TRPC1: variants seen among roughly 807,000 people sequenced by gnomAD.
TRPC1 encodes transient receptor potential cation channel subfamily C member 1.
In TRPC1, 42 loss-of-function variants were observed where a neutral mutation model predicts 88.2. That is an observed-to-expected ratio of 0.48 (90% CI 0.37 to 0.62). The LOEUF (loss-of-function observed/expected upper bound fraction) is 0.62. Among genes scored for constraint, TRPC1 ranks in the 20% least tolerant of loss-of-function variants. The pLI is 0.00. For missense variants in TRPC1, 699 were observed against 957.3 expected (o/e 0.73, Z 3.56); for synonymous variants, 288 against 331.8 (o/e 0.87, Z 1.43).
At chr3:142,750,503 G>A (rs1934717995) in intron 4 of TRPC1, among the ~76,000 whole-genome samples, 2 of 152,162 alleles carry the variant, frequency 1.3e-5, no homozygotes, top group South Asian at 4.1e-4. Context: ...GGAAGACAGT[G>A]TGGTGATTCC....
intron 9 of TRPC1, among the ~76,000 whole-genome samples, chr3:142,797,265 T>C (rs1399579365): frequency 6.6e-6 from 1 of 151,958 alleles, no homozygotes; most frequent in African/African-American, 2.4e-5. Flanking sequence ...CCCTTCCTAC[T>C]TCATTTAGGA....
At chr3:142,744,087 T>C (rs1398683318) in intron 3 of TRPC1, among the ~76,000 whole-genome samples, 1 of 152,136 alleles carries the variant, frequency 6.6e-6, no homozygotes, top group Non-Finnish European at 1.5e-5. Flanking sequence ...AAAAGATATT[T>C]GCAGCATATA....
At position 142,785,037 on chromosome 3, in the gene TRPC1, A is replaced by G. The variant is rs1936087979; in HGVS notation, c.1294A>G (p.Ile432Val). The G allele has an allele frequency of 3.1e-6, 5 of 1,591,468 alleles. No homozygotes were observed. The South Asian group carries it at 4.6e-5, about 15-fold the overall frequency. Residue 432 changes from isoleucine to valine, a missense_variant, in exon 7 of 13, where the codon ATT becomes GTT. Transcript: ENST00000476941. ...RIDYLLILWI[I>V]GMIWSDIKRL... ...AGACTATCTTCTTATTCTGTGGATT[A>G]TTGGTAAGTATCAAGTTAGTTTGAA... is the stretch of plus-strand genomic sequence containing the variant.
intron 4 of TRPC1, among the ~76,000 whole-genome samples, chr3:142,763,973 T>TTTG (rs1935283961): frequency 1.5e-5 from 1 of 68,056 alleles, no homozygotes; most frequent in African/African-American, 1.3e-4. Flanking sequence ...TATATATATA[T>TTTG]ATATATATAT....
intron 1 of TRPC1, 114 bp from the exon 2 acceptor site, chr3:142,736,265 C>A (rs1934133295): frequency 1.3e-6 from 1 of 743,368 alleles, no homozygotes; most frequent in Non-Finnish European, 2.0e-6. Flanking sequence ...TTTTCTTATA[C>A]AAAAATGAGT....
chr3:142,764,334 C>T (rs1431250567), intron 4 of TRPC1, among the ~76,000 whole-genome samples: 1 of 151,992 alleles, frequency 6.6e-6, no homozygotes, highest in African/African-American at 2.4e-5. Context: ...TGTCTGTATA[C>T]TTAATTTTAC....
intron 4 of TRPC1, among the ~76,000 whole-genome samples, chr3:142,772,548 C>T (rs1305028862): frequency 6.6e-6 from 1 of 152,130 alleles, no homozygotes; most frequent in Non-Finnish European, 1.5e-5. Flanking sequence ...GTAATCCCAG[C>T]ACTTCAAGAG....
intron 4 of TRPC1, among the ~76,000 whole-genome samples, chr3:142,763,352 T>C (rs1174311779): frequency 6.6e-6 from 1 of 152,050 alleles, no homozygotes; most frequent in East Asian, 1.9e-4. Flanking sequence ...ATTAACTTTA[T>C]ATACTTGGGG....
chr3:142,758,561 G>A (rs921085046), intron 4 of TRPC1, among the ~76,000 whole-genome samples: 3 of 152,074 alleles, frequency 2.0e-5, no homozygotes, highest in Admixed American at 6.6e-5. Context: ...CAGATGGATA[G>A]TTTGCAAATA....
chr3:142,754,758 G>C (rs1934899362), intron 4 of TRPC1, among the ~76,000 whole-genome samples: 1 of 152,112 alleles, frequency 6.6e-6, no homozygotes, highest in Non-Finnish European at 1.5e-5. Flanking sequence ...TAGGAATATG[G>C]AATTCTTCTG....
Position 142,806,074 on chromosome 3 carries a change from C to G in TRPC1, c.2221C>G (p.Arg741Gly), listed in dbSNP as rs538677775. ...AAAAGTGATGTGCTGCCTAGTGCAT[C>G]GTTACTTGACTTCCATGAGACAGAA... is the stretch of plus-strand genomic sequence containing the variant. ...YQKVMCCLVHRYLTSMRQKMQ... is the reference protein window; with the variant it reads ...YQKVMCCLVHGYLTSMRQKMQ... Residue 741 changes from arginine (R) to glycine (G), a missense_variant, in exon 13 of 13, where the codon CGT (arginine) becomes GGT (glycine). Arg to Gly is a moderately radical substitution (Grantham distance 125). Around this residue, in one of 4 missense-constraint regions of TRPC1, gnomAD observed 105 missense variants for 141.7 expected, o/e 0.74. Transcript: ENST00000476941. 6.2e-7 allele frequency: 1 copy of G among 1,613,892 alleles called. No homozygotes were observed.
intron 1 of TRPC1, among the ~76,000 whole-genome samples, chr3:142,731,687 GT>G (rs1181032569): frequency 6.6e-6 from 1 of 151,948 alleles, no homozygotes; most frequent in African/African-American, 2.4e-5. Context: ...CCCGGCTTGT[GT>G]TTTGAATTTT....
At chr3:142,786,408 T>C (rs1288614889) in intron 7 of TRPC1, among the ~76,000 whole-genome samples, 1 of 152,178 alleles carries the variant, frequency 6.6e-6, no homozygotes, top group Non-Finnish European at 1.5e-5. Flanking sequence ...GGTAACTAGA[T>C]TGTAATTAGA....
At position 142,803,888 on chromosome 3, in the gene TRPC1, T is replaced by C. The variant is rs931722678; in HGVS notation, c.1758-89T>C. ...GAACTTTTCATGGATTATCAATGTT[T>C]TATTTAAATAATTTTGATATAAACA... On this transcript the variant is annotated intron_variant, in intron 10 of 12. Coordinates refer to ENST00000476941, the MANE Select transcript of TRPC1 (RefSeq NM_001251845.2). 2.3e-6 allele frequency: 3 copies of C among 1,319,052 alleles called. No homozygotes were observed. In the African/African-American group the frequency reaches 4.4e-5, roughly 20 times the overall value. 81.7% of individuals were successfully genotyped at this position (1,319,052 alleles called of 1,614,324 possible).
chr3:142,732,297 A>T (rs1405037154), intron 1 of TRPC1, among the ~76,000 whole-genome samples: 8 of 152,084 alleles, frequency 5.3e-5, no homozygotes, highest in Admixed American at 5.2e-4. Context: ...CCCTGTCTTC[A>T]GGTGTTGGCT....
In TRPC1 at chr3:142,781,013, A is replaced by G; in HGVS notation, c.944A>G (p.Lys315Arg). Residue 315 changes from lysine (K) to arginine (R), a missense_variant, in exon 6 of 13, where the codon AAA (lysine) becomes AGA (arginine). This residue lies in a region of TRPC1 where 426 missense variants were observed against 641.3 expected (regional missense o/e 0.66). Coordinates refer to ENST00000476941, the MANE Select transcript of TRPC1 (RefSeq NM_001251845.2). ...MNLSRLKLAI[K>R]YNQKEFVSQS... ...TTAAGTCGTCTAAAACTTGCTATCA[A>G]ATATAACCAGAAAGAGGTATGAGGC... The G allele has an allele frequency of 6.2e-7, 1 of 1,611,544 alleles. No individual in the cohort carries two copies. Among genetic ancestry groups the G allele is most frequent in the South Asian group, 1.1e-5 (1 of 90,484 alleles).
chr3:142,727,768 CAA>C (rs949272971), intron 1 of TRPC1, among the ~76,000 whole-genome samples: 10 of 152,080 alleles, frequency 6.6e-5, no homozygotes, highest in African/African-American at 2.2e-4. Flanking sequence ...TTAATTGAAA[CAA>C]GAGCTGACTA....
chr3:142,729,710 T>C (rs1305154348), intron 1 of TRPC1, among the ~76,000 whole-genome samples: 1 of 152,184 alleles, frequency 6.6e-6, no homozygotes, highest in Non-Finnish European at 1.5e-5. Context: ...TCTAAATATC[T>C]TCTTCATTGC....
At chr3:142,732,701 C>A (rs1403288646) in intron 1 of TRPC1, among the ~76,000 whole-genome samples, 2 of 152,102 alleles carry the variant, frequency 1.3e-5, no homozygotes, top group African/African-American at 4.8e-5. Flanking sequence ...TTTCTTTTTC[C>A]TTGACTGAAA....
Sources: gnomAD v4.1 joint callset for allele counts (sites outside exome capture counted in the v4.1 genomes callset) on GRCh38, gnomAD v4.1.1 for gene constraint, gnomAD v4.1.1 regional missense constraint, MANE v1.5 for transcripts, NCBI Gene and HGNC (gene_info 2026-07-23, HGNC 2026-07-21) for gene names.